The following EARS2 variants were observed in gnomAD, a reference collection of about 807,000 sequenced individuals.
EARS2 encodes glutamyl-tRNA synthetase 2, mitochondrial, also known as nondiscriminating glutamyl-tRNA synthetase EARS2, mitochondrial.
A neutral mutation model predicts 54.1 loss-of-function variants in EARS2; 50 were observed. That is an observed-to-expected ratio of 0.92 (90% CI 0.74 to 1.17). The LOEUF is 1.17. Ranked by LOEUF, EARS2 falls within the 50% of genes most tolerant of loss-of-function variation. The pLI is 0.00. For synonymous variants in EARS2, 298 were observed against 281.0 expected (o/e 1.06, Z -0.61); for missense variants, 673 against 675.0 (o/e 1.00, Z 0.03).
intron 3 of EARS2, among the ~76,000 whole-genome samples, chr16:23,535,628 C>A (rs1381875678): frequency 6.6e-6 from 1 of 152,220 alleles, no homozygotes; most frequent in African/African-American, 2.4e-5. Flanking sequence ...GGGGTTGAAT[C>A]CTGATTGGTA....
intron 3 of EARS2, among the ~76,000 whole-genome samples, chr16:23,540,643 A>T (rs1323684813): frequency 1.3e-5 from 2 of 152,238 alleles, no homozygotes; most frequent in African/African-American, 4.8e-5. Flanking sequence ...ATTAGAAATA[A>T]CATAAAGGTT....
intron 7 of EARS2, among the ~76,000 whole-genome samples, chr16:23,527,407 T>G (rs951234115): frequency 6.6e-6 from 1 of 152,156 alleles, no homozygotes; most frequent in African/African-American, 2.4e-5. Flanking sequence ...CATTCCAAAG[T>G]CAACTCAGTA....
rs1448714191 is a variant in EARS2 at position 23,550,345 on chromosome 16, C to T, written c.295+1804G>A. ...TTGAACCACTGCGCTCTAGCCTGGG[C>T]AACAGAGCAAGATTTTGTTTGTTAA... On this transcript the variant is annotated intron_variant, in intron 2 of 8. Coordinates refer to ENST00000449606, the MANE Select transcript of EARS2 (RefSeq NM_001083614.2). Among the ~76,000 whole-genome samples, 5 of 142,082 alleles carry T rather than the reference C, an allele frequency of 3.5e-5. No individual in the cohort carries two copies. In the Admixed American group the frequency reaches 3.6e-4, roughly 10 times the overall value. The allele number at this position is 142,082 out of a possible 152,430, so 93.2% of individuals were successfully genotyped here. A position where few individuals can be genotyped will look rare whatever the true frequency, so the allele number is the denominator to read the frequency against.
At position 23,535,284 on chromosome 16, in the gene EARS2, G is replaced by A. The variant is rs751542291; in HGVS notation, c.562C>T (p.Arg188Cys). 12 of 1,607,368 alleles carry A rather than the reference G, an allele frequency of 7.5e-6. No homozygotes were observed. Among genetic ancestry groups the A allele is most frequent in the East Asian group, 2.2e-5 (1 of 44,892 alleles). ...KLAKDPKPAI[R>C]FRLEQVVPAF... Reference sequence around the variant, plus strand: ...GGCACCACCTGCTCCAGGCGGAAGCGGATCGCAGGCTTGGGGTCCTTGGCC... The same window carrying A: ...GGCACCACCTGCTCCAGGCGGAAGCAGATCGCAGGCTTGGGGTCCTTGGCC... The change falls in exon 4 of 9, where the codon CGC (arginine) becomes TGC (cysteine). Residue 188 changes from arginine (R) to cysteine (C), a missense_variant. By Grantham distance (180) the Arg-to-Cys change is radical. Around this residue, in one of 3 missense-constraint regions of EARS2, gnomAD observed 316 missense variants for 275.2 expected, o/e 1.15. Transcript: ENST00000449606.
chr16:23,548,159 G>A (rs1425851021), intron 2 of EARS2, among the ~76,000 whole-genome samples: 4 of 151,746 alleles, frequency 2.6e-5, no homozygotes, highest in South Asian at 2.1e-4. Flanking sequence ...GCATGAACCC[G>A]GGAGGTGGAG....
At chr16:23,541,700 T>C (rs10632582) in intron 3 of EARS2, among the ~76,000 whole-genome samples, 303 of 17,808 alleles carry the variant, frequency 0.017, 1 homozygote, top group Middle Eastern at 0.036. Context: ...GTGGATCTTC[T>C]TTTTTTTTTT....
chr16:23,524,792 G>C (rs546451046), intron 8 of EARS2, among the ~76,000 whole-genome samples: 1 of 151,690 alleles, frequency 6.6e-6, no homozygotes, highest in Non-Finnish European at 1.5e-5. Flanking sequence ...GATTACAGGC[G>C]CACCACCACC....
chr16:23,557,220 C>T lies in EARS2; in HGVS notation c.124G>A (p.Ala42Thr). 2 of 1,515,846 alleles carry T rather than the reference C, an allele frequency of 1.3e-6. No homozygotes were observed. The highest frequency in any genetic ancestry group is 1.8e-6 in the Non-Finnish European group (2 of 1,140,396). The allele number at this position is 1,515,846 out of a possible 1,614,324, so 93.9% of individuals were successfully genotyped here. ...CCAGGGTTACCTGTGGGGCTGGGAG[C>T]GAACCGCACTCGCACCGCAACCCCG... Reference protein sequence around the residue: ...DAGVAVRVRFAPSPTGFLHLG... With the variant: ...DAGVAVRVRFTPSPTGFLHLG... Residue 42 changes from alanine to threonine, a missense_variant, in exon 1 of 9, where the codon GCT becomes ACT. Ala to Thr is a moderately conservative substitution (Grantham distance 58, BLOSUM62 0). Transcript: ENST00000449606.
Position 23,557,287 on chromosome 16 carries a change from G to A in EARS2, c.57C>T (p.Gly19=). 1.3e-6 allele frequency: 2 copies of A among 1,511,012 alleles called. No individual in the cohort carries two copies. The highest frequency in any genetic ancestry group is 1.3e-5 in the South Asian group (1 of 79,056). 93.6% of individuals were successfully genotyped at this position (1,511,012 alleles called of 1,614,324 possible). A position where few individuals can be genotyped will look rare whatever the true frequency, so the allele number is the denominator to read the frequency against. Residue 19 remains glycine (G), a synonymous_variant, in exon 1 of 9, where the codon GGC becomes GGT. Coordinates refer to ENST00000449606, the MANE Select transcript of EARS2 (RefSeq NM_001083614.2). ...LQRERPSAAS[G]RPVGRREANL... is the part of the protein sequence containing the mutation. ...TGGCCTCGCGCCGTCCTACGGGGCG[G>A]CCAGAGGCCGCCGAAGGCCTCTCGC...
intron 5 of EARS2, among the ~76,000 whole-genome samples, chr16:23,531,949 G>A (rs939533664): frequency 6.6e-6 from 1 of 152,116 alleles, no homozygotes. Context: ...CCAAGTAGCC[G>A]GGACTACAAG....
chr16:23,557,182 A>G, intron 1 of EARS2, 23 bp downstream of exon 1: 1 of 1,505,756 alleles, frequency 6.6e-7, no homozygotes, highest in Non-Finnish European at 8.8e-7. Context: ...CTCGGCCTGT[A>G]GCGTCACGTC....
intron 5 of EARS2, 39 bp from the exon 6 acceptor site, chr16:23,529,936 C>A: frequency 6.2e-7 from 1 of 1,605,350 alleles, no homozygotes; most frequent in Non-Finnish European, 8.5e-7. Context: ...CTGTCAACAC[C>A]CCAACCCACC....
intron 1 of EARS2, among the ~76,000 whole-genome samples, chr16:23,555,700 T>C (rs1042134811): frequency 2.6e-5 from 4 of 152,252 alleles, no homozygotes; most frequent in Non-Finnish European, 5.9e-5. Flanking sequence ...ACTTTTGTTG[T>C]TGTTTTGAGA....
In EARS2 at chr16:23,529,492, G is replaced by C. The variant is rs770389020; in HGVS notation, c.1352+10C>G. The C allele has an allele frequency of 5.6e-6, 9 of 1,612,444 alleles. No homozygotes were observed. The highest frequency in any genetic ancestry group is 2.2e-5 in the East Asian group (1 of 44,826). Reference sequence around the variant, plus strand: ...GTGTGGAACCCTGAGCTCAGCCTGCGGGTACTCACCCCAGCACACGCTTGG... The same window carrying C: ...GTGTGGAACCCTGAGCTCAGCCTGCCGGTACTCACCCCAGCACACGCTTGG... On this transcript the variant is annotated intron_variant, in intron 7 of 8. Transcript: ENST00000449606.
chr16:23,548,013 G>C (rs1965632642), intron 2 of EARS2, among the ~76,000 whole-genome samples: 1 of 151,694 alleles, frequency 6.6e-6, no homozygotes, highest in Admixed American at 6.6e-5. Flanking sequence ...GGCAGATCAC[G>C]AGGTCAGGAG....
At chr16:23,546,179 C>T (rs1374385346) in intron 2 of EARS2, among the ~76,000 whole-genome samples, 1 of 152,108 alleles carries the variant, frequency 6.6e-6, no homozygotes, top group African/African-American at 2.4e-5. Context: ...AACCCCAAAC[C>T]CAAAGTCCAA....
intron 3 of EARS2, among the ~76,000 whole-genome samples, chr16:23,538,885 C>G (rs574388589): frequency 6.6e-6 from 1 of 151,548 alleles, no homozygotes; most frequent in African/African-American, 2.4e-5. Flanking sequence ...AGCTAACTGT[C>G]AGCTTTATTA....
chr16:23,552,235 C>T lies in EARS2; in HGVS notation c.209G>A (p.Ser70Asn), dbSNP rs201941745. ...TGTGTCCTCTAGCCTCAGGATGAAGCTCCCCTGGTACTTCTTAGCAAAGAT... is the reference window on the plus strand; with the variant it reads ...TGTGTCCTCTAGCCTCAGGATGAAGTTCCCCTGGTACTTCTTAGCAAAGAT... The part of the protein sequence containing the change: ...NYIFAKKYQG[S>N]FILRLEDTDQ... The change falls in exon 2 of 9, where the codon AGC becomes AAC. Residue 70 changes from serine (S) to asparagine (N), a missense_variant. Coordinates refer to ENST00000449606, the MANE Select transcript of EARS2 (RefSeq NM_001083614.2). 24 of 1,614,214 alleles carry T rather than the reference C, an allele frequency of 1.5e-5. No homozygotes were observed. The East Asian group carries it at 4.2e-4, about 28-fold the overall frequency.
chr16:23,545,428 G>A (rs1567387532), intron 2 of EARS2, among the ~76,000 whole-genome samples: 1 of 152,176 alleles, frequency 6.6e-6, no homozygotes, highest in Non-Finnish European at 1.5e-5. Flanking sequence ...GGATCCTGAG[G>A]TGCTACCAAC....
Sources: gnomAD v4.1 joint callset for allele counts (sites outside exome capture counted in the v4.1 genomes callset) on GRCh38, gnomAD v4.1.1 for gene constraint, gnomAD v4.1.1 regional missense constraint, MANE v1.5 for transcripts, NCBI Gene and HGNC (gene_info 2026-07-23, HGNC 2026-07-21) for gene names.